TNRC6B: variants seen among roughly 807,000 people sequenced by gnomAD.
TNRC6B encodes the protein trinucleotide repeat containing adaptor 6B.
Under a neutral mutation model 203.6 loss-of-function variants are expected in TNRC6B, and 52 were observed. That is an observed-to-expected ratio of 0.26 (90% CI 0.20 to 0.32). The LOEUF (loss-of-function observed/expected upper bound fraction) is 0.32, where lower values mean the gene tolerates loss of function less well. Among genes scored for constraint, TNRC6B ranks in the 10% least tolerant of loss-of-function variants. TNRC6B has a pLI of 1.00. For synonymous variants in TNRC6B, 838 were observed against 845.7 expected (o/e 0.99, Z 0.16); for missense variants, 1,923 against 2,286.2 (o/e 0.84, Z 3.24).
chr22:40,322,006 A>G (rs1190539097), intron 22 of TNRC6B, among the ~76,000 whole-genome samples: 2 of 152,144 alleles, frequency 1.3e-5, no homozygotes, highest in African/African-American at 4.8e-5. Flanking sequence ...TTGGCTGCAG[A>G]TGCCATGACA....
chr22:40,190,455 C>G (rs943425454), intron 1 of TNRC6B, among the ~76,000 whole-genome samples: 3 of 152,184 alleles, frequency 2.0e-5, no homozygotes, highest in African/African-American at 7.2e-5. Context: ...GTTGGCTCTT[C>G]ATGAGTTATG....
chr22:40,301,116 T>G (rs1175311838), intron 14 of TNRC6B, 34 bp from the exon 15 acceptor site: 1 of 1,553,304 alleles, frequency 6.4e-7, no homozygotes, highest in Non-Finnish European at 8.7e-7. Flanking sequence ...TTCGGGGCCG[T>G]GCTTATCACG....
At chr22:40,135,582 C>T (rs1391303429) in intron 3 of TNRC6B, among the ~76,000 whole-genome samples, 1 of 152,054 alleles carries the variant, frequency 6.6e-6, no homozygotes. Flanking sequence ...CTTGCTGAAA[C>T]CTTGAATTTA....
At chr22:40,282,938 CAACAGTAGAGCTTTAGTAATAGCCACACA>C (rs1256044986) in intron 11 of TNRC6B, among the ~76,000 whole-genome samples, 2 of 152,266 alleles carry the variant, frequency 1.3e-5, no homozygotes, top group Admixed American at 6.5e-5. Flanking sequence ...GCCTCTTGTA[CAACAGTAGAGCTTTAGTAATAGCCACACA>C]AACCTGCATT....
intron 1 of TNRC6B, among the ~76,000 whole-genome samples, chr22:40,109,487 G>A (rs542546213): frequency 6.6e-6 from 1 of 152,152 alleles, no homozygotes; most frequent in African/African-American, 2.4e-5. Context: ...GTTCTGACTT[G>A]CATGAGATGG....
At chr22:40,183,894 G>T (rs1228084707) in intron 1 of TNRC6B, among the ~76,000 whole-genome samples, 1 of 151,848 alleles carries the variant, frequency 6.6e-6, no homozygotes, top group Non-Finnish European at 1.5e-5. Flanking sequence ...ACAGTGTTTC[G>T]GCATGTTGGC....
chr22:40,253,477 T>C, intron 3 of TNRC6B: 1 of 443,022 alleles, frequency 2.3e-6, no homozygotes, highest in South Asian at 1.6e-5. Context: ...GTCTTAAAAA[T>C]CAAACTTTCC....
In TNRC6B at chr22:40,265,010, A is replaced by G. The variant is rs1199490713; in HGVS notation, c.780A>G (p.Lys260=). 2.5e-6 allele frequency: 4 copies of G among 1,613,870 alleles called. No homozygotes were observed. The highest frequency in any genetic ancestry group is 1.1e-5 in the South Asian group (1 of 91,086). Residue 260 remains lysine (K), a synonymous_variant, in exon 5 of 23, where the codon AAA becomes AAG. Transcript: ENST00000454349. ...ACGAATGTAATCTTGGGGTCTGGAA[A>G]TCTGACCCTAAGGCTAAATCTGTTC... ...SGNECNLGVW[K]SDPKAKSVQS...
intron 1 of TNRC6B, among the ~76,000 whole-genome samples, chr22:40,082,433 C>T (rs1480591157): frequency 1.3e-5 from 2 of 152,088 alleles, no homozygotes; most frequent in African/African-American, 4.8e-5. Flanking sequence ...ATGGAAAGGT[C>T]ACTGGGGCTG....
chr22:40,078,234 T>A (rs1398884406), intron 1 of TNRC6B, among the ~76,000 whole-genome samples: 1 of 152,102 alleles, frequency 6.6e-6, no homozygotes, highest in African/African-American at 2.4e-5. Flanking sequence ...TTAATAAAAA[T>A]TATTTATGAT....
In TNRC6B at chr22:40,136,494, G is replaced by C. The variant is rs58267113; in HGVS notation, c.45+10632G>C. On this transcript the variant is annotated intron_variant, in intron 3 of 23. Coordinates refer to the TNRC6B transcript ENST00000301923. ...GCTCATTGCAGCCTGAACCTCTTGG[G>C]CTCCAAGGGATCCTCCTGCCTCAGC... Among the ~76,000 whole-genome samples, 761 of 151,512 alleles carry C rather than the reference G, an allele frequency of 5.0e-3. 7 individuals are homozygous for C. The highest frequency in any genetic ancestry group is 0.018 in the African/African-American group (731 of 41,266).
chr22:40,266,152 G>C lies in TNRC6B; in HGVS notation c.1922G>C (p.Arg641Thr). 1 of 1,613,920 alleles carries C rather than the reference G, an allele frequency of 6.2e-7. No homozygotes were observed. ...GTGTGGGACATTGAAGAGGTGCCAA[G>C]GCCTGAGGGGAAATCTGACAAAGGA... Reference protein sequence around the residue: ...DTVWDIEEVPRPEGKSDKGTE... With the variant: ...DTVWDIEEVPTPEGKSDKGTE... Residue 641 changes from arginine to threonine, a missense_variant, in exon 5 of 23, where the codon AGG becomes ACG. Coordinates refer to ENST00000454349, the MANE Select transcript of TNRC6B (RefSeq NM_001162501.2).
chr22:40,256,217 G>A lies in TNRC6B; in HGVS notation c.115+5017G>A, dbSNP rs1350638684. ...TCTTTGAGGGTGAAGAAATGAGATT[G>A]GGGCTAGGAAACAAGTTTGAGAGGA... On this transcript the variant is annotated intron_variant, in intron 3 of 22. Transcript: ENST00000454349. Among the ~76,000 whole-genome samples, 10 of 152,254 alleles carry A rather than the reference G, an allele frequency of 6.6e-5. 1 individual carries two copies. The South Asian group carries it at 2.1e-3, about 32-fold the overall frequency.
At chr22:40,237,775 G>A (rs1291546250) in intron 1 of TNRC6B, among the ~76,000 whole-genome samples, 4 of 151,974 alleles carry the variant, frequency 2.6e-5, no homozygotes, top group African/African-American at 9.7e-5. Flanking sequence ...TGCCCGCTAC[G>A]GACGCCTCAT....
intron 1 of TNRC6B, among the ~76,000 whole-genome samples, chr22:40,192,523 A>G (rs2069287231): frequency 6.6e-6 from 1 of 152,212 alleles, no homozygotes; most frequent in South Asian, 2.1e-4. Context: ...AGTCTGAGGC[A>G]TGAGAATTGC....
upstream of TNRC6B, among the ~76,000 whole-genome samples, chr22:40,176,327 A>G (rs1026268269): frequency 6.6e-6 from 1 of 151,950 alleles, no homozygotes; most frequent in African/African-American, 2.4e-5. Flanking sequence ...GGGTTTCTCC[A>G]TGCTGGTCAG....
chr22:40,143,070 G>GAA (rs2068658590), intron 3 of TNRC6B, among the ~76,000 whole-genome samples: 1 of 152,176 alleles, frequency 6.6e-6, no homozygotes, highest in Non-Finnish European at 1.5e-5. Context: ...CTGTAAAAGA[G>GAA]AACAGTTGGT....
rs71326795 is a variant in TNRC6B at position 40,059,835 on chromosome 22, TCC to T, written c.-121+14842_-121+14843del. 4.5e-4 allele frequency among the ~76,000 whole-genome samples: 62 copies of T among 138,168 alleles called. No homozygotes were observed. In the East Asian group the frequency reaches 0.011, roughly 24 times the overall value. The allele number at this position is 138,168 out of a possible 152,430, so 90.6% of individuals were successfully genotyped here. On this transcript the variant is annotated intron_variant, in intron 1 of 23. Coordinates refer to the TNRC6B transcript ENST00000301923. ...GTTTGGTTTTTTTTTTTTTTTTTTTTCCCCCCGAGACGGAGTCTCGCTCTGTT... is the reference window on the plus strand; with the variant it reads ...GTTTGGTTTTTTTTTTTTTTTTTTTTCCCCGAGACGGAGTCTCGCTCTGTT...
chr22:40,315,218 T>C (rs530625482), intron 19 of TNRC6B, 65 bp from the exon 20 acceptor site: 198 of 1,292,732 alleles, frequency 1.5e-4, no homozygotes, highest in Admixed American at 2.7e-4. Context: ...ATAAAACTCA[T>C]GTGTATTTGT....
Sources: gnomAD v4.1 joint callset for allele counts (sites outside exome capture counted in the v4.1 genomes callset) on GRCh38, gnomAD v4.1.1 for gene constraint, MANE v1.5 for transcripts, NCBI Gene and HGNC (gene_info 2026-07-23, HGNC 2026-07-21) for gene names.